Variants in ALPL observed in about 807,000 individuals in gnomAD.
ALPL encodes alkaline phosphatase, tissue-nonspecific isozyme.
A neutral mutation model predicts 51.3 loss-of-function variants in ALPL; 42 were observed. That is an observed-to-expected ratio of 0.82 (90% confidence interval 0.64 to 1.06). ALPL has a LOEUF of 1.06. Among genes scored for constraint, ALPL ranks in the 50% least tolerant of loss-of-function variants. The pLI is 0.00. For synonymous variants in ALPL, 279 were observed against 296.4 expected (o/e 0.94, Z 0.60); for missense variants, 589 against 709.4 (o/e 0.83, Z 1.93).
chr1:21,514,252 G>A (rs75000345), intron 1 of ALPL, among the ~76,000 whole-genome samples: 1,811 of 152,188 alleles, frequency 0.012, 44 homozygotes, highest in African/African-American at 0.041. Flanking sequence ...GGGTCTAGCT[G>A]GGGACAGGCA....
At chr1:21,575,191 A>G (rs908990408) in intron 9 of ALPL, among the ~76,000 whole-genome samples, 1 of 152,152 alleles carries the variant, frequency 6.6e-6, no homozygotes, top group Non-Finnish European at 1.5e-5. Context: ...GAGATGAAAA[A>G]CGGGGTTAGG....
chr1:21,549,424 G>GCCTCAAAAGACCA (rs1570242651), intron 1 of ALPL, among the ~76,000 whole-genome samples: 1 of 151,576 alleles, frequency 6.6e-6, no homozygotes, highest in African/African-American at 2.4e-5. Flanking sequence ...TCCACCTCAC[G>GCCTCAAAAGACCA]CCTCAAAAGA....
At chr1:21,567,128 G>A (rs1234836188) in intron 6 of ALPL, among the ~76,000 whole-genome samples, 3 of 152,202 alleles carry the variant, frequency 2.0e-5, no homozygotes, top group Non-Finnish European at 2.9e-5. Context: ...GGGAGACAGA[G>A]TGGAGGATAG....
chr1:21,551,103 A>G (rs1644315113), intron 1 of ALPL, among the ~76,000 whole-genome samples: 2 of 152,188 alleles, frequency 1.3e-5, no homozygotes, highest in South Asian at 4.1e-4. Flanking sequence ...ACCTTCCGGT[A>G]GTTAAACATC....
chr1:21,525,514 G>A (rs1643930024), intron 1 of ALPL, among the ~76,000 whole-genome samples: 1 of 152,376 alleles, frequency 6.6e-6, no homozygotes, highest in Non-Finnish European at 1.5e-5. Context: ...GTGCTCACCT[G>A]GGTGCTGGCG....
In ALPL at chr1:21,554,036, A is replaced by T; in HGVS notation, c.-46A>T. ...AGCCCACCCCCTCCCACCCACGTCGATTGCATCTCTGGGCTCCAGGGATAA... is the reference window on the plus strand; with the variant it reads ...AGCCCACCCCCTCCCACCCACGTCGTTTGCATCTCTGGGCTCCAGGGATAA... On this transcript the variant is annotated 5_prime_UTR_variant, in exon 2 of 12. Transcript: ENST00000374840. 1 of 967,512 alleles carries T rather than the reference A, an allele frequency of 1.0e-6. No homozygotes were observed. Among genetic ancestry groups the T allele is most frequent in the Non-Finnish European group, 1.6e-6 (1 of 634,274 alleles). The allele number at this position is 967,512 out of a possible 1,614,324, so 59.9% of individuals were successfully genotyped here.
chr1:21,529,703 G>A (rs970490572), intron 1 of ALPL, among the ~76,000 whole-genome samples: 2 of 152,028 alleles, frequency 1.3e-5, no homozygotes, highest in African/African-American at 4.8e-5. Context: ...TCCTCTTTCT[G>A]TTTTGCTAAC....
intron 6 of ALPL, 42 bp from the exon 7 acceptor site, chr1:21,568,062 A>G (rs752403382): frequency 1.2e-6 from 2 of 1,613,642 alleles, no homozygotes; most frequent in East Asian, 2.2e-5. Context: ...GCTTCTGGGC[A>G]TCTTGGAACC....
intron 1 of ALPL, among the ~76,000 whole-genome samples, chr1:21,520,198 G>A (rs1194618432): frequency 6.6e-6 from 1 of 152,010 alleles, no homozygotes; most frequent in Non-Finnish European, 1.5e-5. Flanking sequence ...GATCATAGTT[G>A]ACTGCGGCCT....
At chr1:21,548,078 C>T (rs1032452545) in intron 1 of ALPL, among the ~76,000 whole-genome samples, 32 of 152,308 alleles carry the variant, frequency 2.1e-4, no homozygotes, top group African/African-American at 7.0e-4. Flanking sequence ...AATCAGGCTA[C>T]GGAGGAGCCG....
At position 21,519,273 on chromosome 1, in the gene ALPL, C is replaced by T. The variant is rs377623559; in HGVS notation, c.-105+9756C>T. Among the ~76,000 whole-genome samples the T allele has an allele frequency of 9.3e-4, 142 of 152,356 alleles. 1 individual carries two copies. The highest frequency in any genetic ancestry group is 3.3e-3 in the African/African-American group (139 of 41,586). ...CCTCATAAAAGGTTCCTACCCCACA[C>T]CTGGGGTGGGCCCTGGTACAGTCTA... is the stretch of plus-strand genomic sequence containing the variant. On this transcript the variant is annotated intron_variant, in intron 1 of 11. Coordinates refer to ENST00000374840, the MANE Select transcript of ALPL (RefSeq NM_000478.6).
chr1:21,533,361 TCTC>T (rs1644055166), intron 1 of ALPL, among the ~76,000 whole-genome samples: 1 of 152,182 alleles, frequency 6.6e-6, no homozygotes, highest in African/African-American at 2.4e-5. Context: ...TATACAGACA[TCTC>T]CTTTCAGTTT....
Position 21,577,648 on chromosome 1 carries a change from A to G in ALPL, c.1575A>G (p.Ter525TrpextTer11), listed in dbSNP as rs1553415176. 6.3e-7 allele frequency: 1 copy of G among 1,595,312 alleles called. No individual in the cohort carries two copies. The highest frequency in any genetic ancestry group is 8.5e-7 in the Non-Finnish European group (1 of 1,178,016). Residue 525 changes from the stop codon to tryptophan, a stop_lost, in exon 12 of 12, where the codon TGA becomes TGG. Coordinates refer to ENST00000374840, the MANE Select transcript of ALPL (RefSeq NM_000478.6). Reference protein sequence around the residue: ...LALYPLSVLF* With the variant: ...LALYPLSVLFW ...TCTACCCCCTGAGCGTCCTGTTCTG[A>G]GGGCCCAGGGCCCGGGCACCCACAA...
At chr1:21,545,574 A>G (rs1644243526) in intron 1 of ALPL, among the ~76,000 whole-genome samples, 2 of 151,740 alleles carry the variant, frequency 1.3e-5, no homozygotes, top group Admixed American at 1.3e-4. Flanking sequence ...TACAGGAGTG[A>G]GCCACCATGC....
chr1:21,535,905 T>C (rs746718398), intron 1 of ALPL, among the ~76,000 whole-genome samples: 2 of 152,178 alleles, frequency 1.3e-5, no homozygotes, highest in Admixed American at 6.5e-5. Context: ...GCAAGTCACT[T>C]CACCTTGCTG....
At chr1:21,529,697 CTTTCTGTT>C (rs1553407021) in intron 1 of ALPL, among the ~76,000 whole-genome samples, 1 of 152,202 alleles carries the variant, frequency 6.6e-6, no homozygotes, top group Non-Finnish European at 1.5e-5. Context: ...AACCATTCCT[CTTTCTGTT>C]TTGCTAACAT....
chr1:21,515,350 C>A (rs1306715928), intron 1 of ALPL, among the ~76,000 whole-genome samples: 1 of 152,144 alleles, frequency 6.6e-6, no homozygotes, highest in African/African-American at 2.4e-5. Context: ...AGGCATGAAC[C>A]ATTGTGCCTG....
chr1:21,524,849 A>T (rs763417104), intron 1 of ALPL, among the ~76,000 whole-genome samples: 7 of 152,192 alleles, frequency 4.6e-5, no homozygotes, highest in Non-Finnish European at 7.3e-5. Flanking sequence ...TCCTGGGGGA[A>T]GGGAAGGACA....
chr1:21,524,172 T>G (rs1643912834), intron 1 of ALPL, among the ~76,000 whole-genome samples: 1 of 151,948 alleles, frequency 6.6e-6, no homozygotes, highest in Non-Finnish European at 1.5e-5. Flanking sequence ...CCTGGCTAAT[T>G]TTTGTATTTT....
Sources: gnomAD v4.1 joint callset for allele counts (sites outside exome capture counted in the v4.1 genomes callset) on GRCh38, gnomAD v4.1.1 for gene constraint, MANE v1.5 for transcripts, NCBI Gene and HGNC (gene_info 2026-07-23, HGNC 2026-07-21) for gene names.